The following PTPN18 variants were observed in gnomAD, a reference collection of about 807,000 sequenced individuals.
PTPN18 encodes the protein tyrosine-protein phosphatase non-receptor type 18.
In PTPN18, 65 loss-of-function variants were observed where a neutral mutation model predicts 65.4. The ratio of observed to expected loss-of-function variants is 0.99; its 90% CI spans 0.81 to 1.22. PTPN18 has a LOEUF of 1.22. Among genes scored for constraint, PTPN18 ranks in the 50% most tolerant of loss-of-function variants. PTPN18 has a pLI of 0.00. For missense variants in PTPN18, 616 were observed against 646.5 expected (o/e 0.95, Z 0.51); for synonymous variants, 255 against 267.8 (o/e 0.95, Z 0.47).
intron 7 of PTPN18, 95 bp downstream of exon 7, chr2:130,369,922 T>C: frequency 6.5e-7 from 1 of 1,538,896 alleles, no homozygotes. Context: ...ACCCACTTCC[T>C]CAGTTATTGT....
In PTPN18 at chr2:130,370,780, G is replaced by A; in HGVS notation, c.832G>A (p.Glu278Lys). 1.9e-6 allele frequency: 3 copies of A among 1,614,032 alleles called. No individual in the cohort carries two copies. The highest frequency in any genetic ancestry group is 2.5e-6 in the Non-Finnish European group (3 of 1,179,878). The stretch of plus-strand genomic sequence containing the variant: ...GCAGCGGCCTGCGGCCGTGCAGACA[G>A]AGGTGAACCCTGGGTCTCCTAATCT... ...RKQRPAAVQT[E>K]EQYRFLYHTV... Residue 278 changes from glutamate (E) to lysine (K), a missense_variant and splice_region_variant, in exon 10 of 15, where the codon GAG becomes AAG. Physicochemically the swap from Glu to Lys is moderately conservative, Grantham distance 56. Around this residue, in one of 3 missense-constraint regions of PTPN18, gnomAD observed 368 missense variants for 386.7 expected, o/e 0.95. Coordinates refer to ENST00000175756, the MANE Select transcript of PTPN18 (RefSeq NM_014369.4).
At position 130,359,256 on chromosome 2, in the gene PTPN18, T is replaced by A; in HGVS notation, c.226T>A (p.Ser76Thr). Residue 76 changes from serine (S) to threonine (T), a missense_variant, in exon 3 of 15, where the codon TCC (serine) becomes ACC (threonine). By Grantham distance (58) the Ser-to-Thr change is moderately conservative (BLOSUM62 1). Coordinates refer to ENST00000175756, the MANE Select transcript of PTPN18 (RefSeq NM_014369.4). ...LPYDQTRVIL[S>T]LLQEEGHSDY... The stretch of plus-strand genomic sequence containing the variant: ...AGATGATCAGACGCGAGTAATCCTC[T>A]CCCTGCTCCAGGAAGAGGGACACAG... 6.2e-7 allele frequency: 1 copy of A among 1,614,110 alleles called. No individual in the cohort carries two copies. The highest frequency in any genetic ancestry group is 1.3e-5 in the African/African-American group (1 of 75,044).
At chr2:130,359,835 C>T (rs1680139862) in intron 5 of PTPN18, 189 bp downstream of exon 5, 2 of 696,782 alleles carry the variant, frequency 2.9e-6, no homozygotes, top group Non-Finnish European at 4.8e-6. Flanking sequence ...GTTGGCAACC[C>T]CTCTCCTGCT....
intron 5 of PTPN18, among the ~76,000 whole-genome samples, chr2:130,367,605 T>A (rs1680426817): frequency 6.6e-6 from 1 of 152,100 alleles, no homozygotes; most frequent in African/African-American, 2.4e-5. Context: ...ACCTGGGAGT[T>A]GCAGGTTGCA....
chr2:130,366,575 T>C (rs1680387768), intron 5 of PTPN18, among the ~76,000 whole-genome samples: 1 of 152,230 alleles, frequency 6.6e-6, no homozygotes, highest in Non-Finnish European at 1.5e-5. Context: ...TCTTGTGATG[T>C]CTTTGGTTTT....
intron 5 of PTPN18, among the ~76,000 whole-genome samples, chr2:130,366,912 C>T (rs1394667282): frequency 6.6e-6 from 1 of 152,100 alleles, no homozygotes; most frequent in African/African-American, 2.4e-5. Context: ...CAGCCTCAAA[C>T]TCCTGGGCTT....
intron 9 of PTPN18, 38 bp from the exon 10 acceptor site, chr2:130,370,664 GACC>G (rs778779300): frequency 4.3e-6 from 7 of 1,614,004 alleles, no homozygotes; most frequent in Non-Finnish European, 5.9e-6. Context: ...TGCTGCCCAT[GACC>G]ACGTGTCCTG....
chr2:130,368,991 G>T, intron 5 of PTPN18, 142 bp from the exon 6 acceptor site: 1 of 625,772 alleles, frequency 1.6e-6, no homozygotes, highest in Non-Finnish European at 2.8e-6. Context: ...TGGCTCTGTT[G>T]GCTGGCGTCT....
At chr2:130,368,941 A>G in intron 5 of PTPN18, 192 bp from the exon 6 acceptor site, 1 of 551,816 alleles carries the variant, frequency 1.8e-6, no homozygotes, top group South Asian at 2.5e-5. Context: ...CTGCATGGTC[A>G]GCAGCGCACC....
Position 130,366,292 on chromosome 2 carries a change from G to A in PTPN18, c.415-2841G>A, listed in dbSNP as rs536419494. ...GAGTGTGCCTACATTCTGTGCAGAC[G>A]GTGCCCCAATAAAAATCCTGGGCAC... is the stretch of plus-strand genomic sequence containing the variant. On this transcript the variant is annotated intron_variant, in intron 5 of 14. Transcript: ENST00000175756. Among the ~76,000 whole-genome samples, 89 of 152,222 alleles carry A rather than the reference G, an allele frequency of 5.8e-4. 1 individual carries two copies. In the South Asian group the frequency reaches 7.1e-3, roughly 12 times the overall value.
At chr2:130,361,771 A>G (rs564513185) in intron 5 of PTPN18, among the ~76,000 whole-genome samples, 1 of 152,106 alleles carries the variant, frequency 6.6e-6, no homozygotes, top group African/African-American at 2.4e-5. Context: ...TATTTTTAGT[A>G]GAGATGGGGT....
chr2:130,372,645 G>T (rs898800128), intron 13 of PTPN18, 162 bp downstream of exon 13: 5 of 1,075,814 alleles, frequency 4.6e-6, no homozygotes, highest in Non-Finnish European at 6.5e-6. Flanking sequence ...CCACGCCCCG[G>T]AAGCGCCCCC....
intron 8 of PTPN18, 177 bp downstream of exon 8, chr2:130,370,367 C>A: frequency 1.5e-5 from 17 of 1,106,652 alleles, no homozygotes; most frequent in Non-Finnish European, 2.2e-5. Context: ...GGGGAATAAG[C>A]ACACAGCTCT....
At chr2:130,370,247 G>A in intron 8 of PTPN18, 57 bp downstream of exon 8, 6 of 1,598,464 alleles carry the variant, frequency 3.8e-6, no homozygotes, top group Non-Finnish European at 5.1e-6. Context: ...GAGCATGGAG[G>A]GGAGTACAGG....
chr2:130,370,099 G>A lies in PTPN18; in HGVS notation c.598G>A (p.Val200Ile). 6.2e-7 allele frequency: 1 copy of A among 1,614,176 alleles called. No individual in the cohort carries two copies. ...LQYMSWPDRGVPSSPDHMLAM... is the reference protein window; with the variant it reads ...LQYMSWPDRGIPSSPDHMLAM... ...GTATATGTCCTGGCCAGACCGTGGG[G>A]TCCCCAGCAGTCCTGACCACATGCT... The change falls in exon 8 of 15, where the codon GTC (valine) becomes ATC (isoleucine). Residue 200 changes from valine to isoleucine, a missense_variant. Val to Ile is a conservative substitution (Grantham distance 29). This residue lies in a region of PTPN18 where 368 missense variants were observed against 386.7 expected (regional missense o/e 0.95). Transcript: ENST00000175756.
Position 130,359,224 on chromosome 2 carries a change from T to G in PTPN18, c.203-9T>G. ...CAAACTCCACGTTTCTCACCTTATC[T>G]GCTGACAGATGATCAGACGCGAGTA... On this transcript the variant is annotated splice_polypyrimidine_tract_variant and intron_variant, in intron 2 of 14. Coordinates refer to ENST00000175756, the MANE Select transcript of PTPN18 (RefSeq NM_014369.4). 6.2e-7 allele frequency: 1 copy of G among 1,613,860 alleles called. No individual in the cohort carries two copies.
At chr2:130,363,777 G>A (rs575593846) in intron 5 of PTPN18, among the ~76,000 whole-genome samples, 1 of 152,020 alleles carries the variant, frequency 6.6e-6, no homozygotes, top group African/African-American at 2.4e-5. Flanking sequence ...TGTAGATGTG[G>A]GTTTTCATGT....
intron 11 of PTPN18, 109 bp from the exon 12 acceptor site, chr2:130,371,090 C>G (rs1680549967): frequency 7.3e-7 from 1 of 1,369,046 alleles, no homozygotes; most frequent in African/African-American, 1.5e-5. Flanking sequence ...CCTGTGCCCT[C>G]CTCCAGGCAT....
chr2:130,361,114 C>CTTTTATATCTTTACTGTATA (rs1339433387), intron 5 of PTPN18, among the ~76,000 whole-genome samples: 38 of 152,266 alleles, frequency 2.5e-4, no homozygotes, highest in African/African-American at 7.9e-4. Context: ...TAAAAAGACA[C>CTTTTATATCTTTACTGTATA]TTTTATATCT....
Sources: allele counts gnomAD v4.1 joint callset (sites outside exome capture counted in the v4.1 genomes callset), GRCh38; gene constraint gnomAD v4.1.1; regional missense constraint gnomAD v4.1.1; transcripts MANE v1.5; gene names NCBI Gene and HGNC (gene_info 2026-07-23, HGNC 2026-07-21).